Variants in KCTD8 observed in about 807,000 individuals in gnomAD.
The protein encoded by KCTD8 is potassium channel tetramerization domain containing 8.
Under a neutral mutation model 31.5 loss-of-function variants are expected in KCTD8, and 27 were observed. The ratio of observed to expected loss-of-function variants is 0.86; its 90% CI spans 0.63 to 1.18. The LOEUF (loss-of-function observed/expected upper bound fraction) is 1.18, where lower values mean the gene tolerates loss of function less well. Among genes scored for constraint, KCTD8 ranks in the 50% most tolerant of loss-of-function variants. KCTD8 has a pLI of 0.00. For missense variants in KCTD8, 658 were observed against 647.7 expected (o/e 1.02, Z -0.17); for synonymous variants, 290 against 280.0 (o/e 1.04, Z -0.36).
intron 1 of KCTD8, among the ~76,000 whole-genome samples, chr4:44,324,926 T>C (rs1216300366): frequency 6.6e-6 from 1 of 152,016 alleles, no homozygotes; most frequent in Non-Finnish European, 1.5e-5. Flanking sequence ...TGTAACTGTC[T>C]TGACATCCCT....
intron 1 of KCTD8, among the ~76,000 whole-genome samples, chr4:44,323,946 T>A (rs1169738260): frequency 6.6e-6 from 1 of 151,408 alleles, no homozygotes; most frequent in Non-Finnish European, 1.5e-5. Context: ...TAATGCTAGA[T>A]GACGAGTTAG....
intron 1 of KCTD8, among the ~76,000 whole-genome samples, chr4:44,433,196 CCTCT>C (rs146847670): frequency 0.11 from 17,341 of 151,578 alleles, 2,110 homozygotes; most frequent in African/African-American, 0.29. Context: ...TCCAGTATAT[CCTCT>C]CTAAGATAAA....
chr4:44,349,412 C>A (rs1719140816), intron 1 of KCTD8, among the ~76,000 whole-genome samples: 1 of 152,162 alleles, frequency 6.6e-6, no homozygotes, highest in African/African-American at 2.4e-5. Flanking sequence ...AGCTTGAGAG[C>A]AAGGAATGCC....
chr4:44,224,100 C>T (rs1314140593), intron 1 of KCTD8, among the ~76,000 whole-genome samples: 4 of 152,122 alleles, frequency 2.6e-5, no homozygotes, highest in Non-Finnish European at 4.4e-5. Flanking sequence ...ATCCCTTCTT[C>T]GATGAGTAAT....
At chr4:44,190,636 C>T (rs954507535) in intron 1 of KCTD8, among the ~76,000 whole-genome samples, 4 of 152,140 alleles carry the variant, frequency 2.6e-5, no homozygotes, top group Non-Finnish European at 5.9e-5. Flanking sequence ...AACATGAAAT[C>T]TCTGGAATAC....
Position 44,448,577 on chromosome 4 carries a change from G to T in KCTD8, c.-54C>A. Reference sequence around the variant, plus strand: ...GAGAGAGCTGCACTTTCTCGTTCCCGGAGCCCGCGCCCCAGCCCTCCGCGT... The same window carrying T: ...GAGAGAGCTGCACTTTCTCGTTCCCTGAGCCCGCGCCCCAGCCCTCCGCGT... On this transcript the variant is annotated 5_prime_UTR_variant, in exon 1 of 2. Transcript: ENST00000360029. This position sits in a 1 kb window ranked among gnomAD's most constrained non-coding sequence, Gnocchi z 4.1. 1 of 1,386,892 alleles carries T rather than the reference G, an allele frequency of 7.2e-7. No homozygotes were observed. The highest frequency in any genetic ancestry group is 9.3e-7 in the Non-Finnish European group (1 of 1,075,002). The allele number at this position is 1,386,892 out of a possible 1,614,324, so 85.9% of individuals were successfully genotyped here.
chr4:44,330,183 T>C (rs1048103434), intron 1 of KCTD8, among the ~76,000 whole-genome samples: 2 of 151,994 alleles, frequency 1.3e-5, no homozygotes, highest in Non-Finnish European at 2.9e-5. Context: ...GTTAGTCTTA[T>C]AGTCATCAGT....
chr4:44,268,989 C>G (rs1260386341), intron 1 of KCTD8, among the ~76,000 whole-genome samples: 2 of 149,284 alleles, frequency 1.3e-5, no homozygotes, highest in African/African-American at 5.2e-5. Context: ...AGATTCAATG[C>G]CATCCCCATC....
chr4:44,267,884 A>T (rs1289025667), intron 1 of KCTD8, among the ~76,000 whole-genome samples: 1 of 152,202 alleles, frequency 6.6e-6, no homozygotes, highest in Non-Finnish European at 1.5e-5. Flanking sequence ...CAGGCTCTTA[A>T]ATTGTGGCAA....
intron 1 of KCTD8, among the ~76,000 whole-genome samples, chr4:44,232,820 A>G (rs576247612): frequency 1.3e-5 from 2 of 152,106 alleles, no homozygotes; most frequent in African/African-American, 4.8e-5. Flanking sequence ...CTTATTTTAA[A>G]TTAATTATTT....
At chr4:44,213,922 C>T (rs533019384) in intron 1 of KCTD8, among the ~76,000 whole-genome samples, 19 of 152,236 alleles carry the variant, frequency 1.2e-4, no homozygotes, top group Admixed American at 1.2e-3. Context: ...AAGAAATTTA[C>T]ATCTATAAAG....
At chr4:44,313,411 C>T (rs17538903) in intron 1 of KCTD8, among the ~76,000 whole-genome samples, 35,208 of 152,034 alleles carry the variant, frequency 0.23, 4,793 homozygotes, top group Non-Finnish European at 0.31. Flanking sequence ...ATCACTTGGC[C>T]GTGGTAGAGT....
intron 1 of KCTD8, among the ~76,000 whole-genome samples, chr4:44,249,700 TATAA>T (rs1225508614): frequency 6.6e-6 from 1 of 151,780 alleles, no homozygotes; most frequent in African/African-American, 2.4e-5. Flanking sequence ...CCACAGAAAT[TATAA>T]ATAAATTATT....
At chr4:44,266,957 AC>A (rs1716391683) in intron 1 of KCTD8, among the ~76,000 whole-genome samples, 1 of 152,014 alleles carries the variant, frequency 6.6e-6, no homozygotes, top group Non-Finnish European at 1.5e-5. Context: ...AGACTTTAAC[AC>A]CCCACTGTCA....
intron 1 of KCTD8, among the ~76,000 whole-genome samples, chr4:44,217,028 T>G (rs1437161094): frequency 6.6e-6 from 1 of 151,336 alleles, no homozygotes; most frequent in Non-Finnish European, 1.5e-5. Flanking sequence ...AATGAACAAT[T>G]TTTTTAAAAA....
chr4:44,220,569 G>A (rs1425766360), intron 1 of KCTD8, among the ~76,000 whole-genome samples: 1 of 152,136 alleles, frequency 6.6e-6, no homozygotes, highest in Non-Finnish European at 1.5e-5. Context: ...GGAGCATTAT[G>A]ATTTTGACCT....
chr4:44,235,654 T>C (rs1560402193), intron 1 of KCTD8, among the ~76,000 whole-genome samples: 1 of 148,364 alleles, frequency 6.7e-6, no homozygotes, highest in Non-Finnish European at 1.5e-5. Context: ...GCTTTCAGTC[T>C]ACTAATAATA....
At chr4:44,388,282 G>A (rs1305310306) in intron 1 of KCTD8, among the ~76,000 whole-genome samples, 7 of 151,856 alleles carry the variant, frequency 4.6e-5, no homozygotes, top group South Asian at 2.1e-4. Context: ...TACAGCCATC[G>A]TGGAAGACTG....
intron 1 of KCTD8, among the ~76,000 whole-genome samples, chr4:44,213,225 C>T (rs564586442): frequency 3.9e-5 from 6 of 152,098 alleles, no homozygotes; most frequent in Non-Finnish European, 7.4e-5. Flanking sequence ...CATGAGCCAC[C>T]GTGCCCAGCC....
Sources: allele counts gnomAD v4.1 joint callset (sites outside exome capture counted in the v4.1 genomes callset), GRCh38; gene constraint gnomAD v4.1.1; non-coding constraint Gnocchi (gnomAD v3.1); transcripts MANE v1.5; gene names NCBI Gene and HGNC (gene_info 2026-07-23, HGNC 2026-07-21).